Variants in ZSCAN25 observed in about 807,000 individuals in gnomAD.
ZSCAN25 encodes zinc finger and SCAN domain containing 25, also known as zinc finger and SCAN domain-containing protein 25.
Under a neutral mutation model 38.7 loss-of-function variants are expected in ZSCAN25, and 27 were observed. The observed-to-expected ratio is 0.70, with a 90% CI of 0.51 to 0.96. The LOEUF is 0.96. ZSCAN25 is among the 40% of genes least tolerant of loss of function. The pLI, the probability that ZSCAN25 is intolerant of heterozygous loss-of-function variation, is 0.00. For missense variants in ZSCAN25, 637 were observed against 705.9 expected (o/e 0.90, Z 1.11); for synonymous variants, 273 against 277.7 (o/e 0.98, Z 0.17).
At chr7:99,656,887 C>A in the ZSCAN25 span, among the ~76,000 whole-genome samples, 1 of 152,152 alleles carries the variant, frequency 6.6e-6, no homozygotes, top group Non-Finnish European at 1.5e-5. Flanking sequence ...TTATAGTATT[C>A]TCTGATGGTA....
the ZSCAN25 span, among the ~76,000 whole-genome samples, chr7:99,682,484 G>A: frequency 1.3e-5 from 2 of 152,152 alleles, no homozygotes; most frequent in African/African-American, 4.8e-5. Context: ...TCATTGGTCT[G>A]TGTCTGTTTT....
At chr7:99,617,164 GTC>G (rs1013762587) in intron 1 of ZSCAN25, 148 bp downstream of exon 1, 3 of 152,214 alleles carry the variant, frequency 2.0e-5, no homozygotes, top group African/African-American at 4.8e-5. Flanking sequence ...AGGGCGGCAA[GTC>G]TCTCAGGAGC....
chr7:99,691,408 C>T, the ZSCAN25 span, among the ~76,000 whole-genome samples: 2 of 152,112 alleles, frequency 1.3e-5, no homozygotes, highest in African/African-American at 4.8e-5. Flanking sequence ...CAAACCTGCA[C>T]ATTGTGCACA....
At chr7:99,650,007 C>A in the ZSCAN25 span, 4 of 1,564,530 alleles carry the variant, frequency 2.6e-6, no homozygotes, top group Non-Finnish European at 2.6e-6. Flanking sequence ...CATGCATATT[C>A]TTTTAAAAAA....
chr7:99,725,663 C>A, the ZSCAN25 span, among the ~76,000 whole-genome samples: 1 of 152,208 alleles, frequency 6.6e-6, no homozygotes, highest in East Asian at 1.9e-4. Flanking sequence ...CGCCACTGCT[C>A]CTAAAGTTCC....
chr7:99,627,017 CTTA>C (rs1396984303), intron 7 of ZSCAN25, among the ~76,000 whole-genome samples: 1 of 152,170 alleles, frequency 6.6e-6, no homozygotes, highest in Non-Finnish European at 1.5e-5. Flanking sequence ...ATTTTGAACT[CTTA>C]TTATACAAAT....
At chr7:99,711,829 A>G in the ZSCAN25 span, among the ~76,000 whole-genome samples, 4 of 152,052 alleles carry the variant, frequency 2.6e-5, no homozygotes, top group African/African-American at 9.7e-5. Context: ...CTCAAACCCC[A>G]CCATTGAACT....
At chr7:99,641,263 T>C in the ZSCAN25 span, among the ~76,000 whole-genome samples, 3 of 152,282 alleles carry the variant, frequency 2.0e-5, no homozygotes, top group East Asian at 1.9e-4. Flanking sequence ...AAACATGTCC[T>C]TCTTCATATG....
the ZSCAN25 span, chr7:99,715,709 A>G: frequency 6.2e-7 from 1 of 1,612,764 alleles, no homozygotes. Context: ...TCAATAAAGC[A>G]GTTATTTTTA....
chr7:99,682,353 A>C, the ZSCAN25 span, among the ~76,000 whole-genome samples: 1 of 152,312 alleles, frequency 6.6e-6, no homozygotes, highest in African/African-American at 2.4e-5. Flanking sequence ...TGCATGTTAA[A>C]ATCCAGCTTT....
the ZSCAN25 span, chr7:99,667,174 T>C: frequency 9.0e-7 from 1 of 1,114,754 alleles, no homozygotes; most frequent in Admixed American, 2.5e-5. Context: ...ATTGACTGTA[T>C]ATGATATTAT....
the ZSCAN25 span, among the ~76,000 whole-genome samples, chr7:99,644,971 G>A: frequency 6.6e-6 from 1 of 152,092 alleles, no homozygotes; most frequent in African/African-American, 2.4e-5. Context: ...TGAGGAGGAC[G>A]ATCAAGCCTG....
chr7:99,657,527 TGTG>T, the ZSCAN25 span, among the ~76,000 whole-genome samples: 1 of 152,176 alleles, frequency 6.6e-6, no homozygotes, highest in Non-Finnish European at 1.5e-5. Flanking sequence ...TTGGAATAGG[TGTG>T]GTGTGGTGCT....
chr7:99,663,844 T>G, the ZSCAN25 span: 123 of 1,398,710 alleles, frequency 8.8e-5, no homozygotes, highest in Non-Finnish European at 1.1e-4. Flanking sequence ...AAATGGCTTC[T>G]CTTGTTCTAA....
the ZSCAN25 span, among the ~76,000 whole-genome samples, chr7:99,657,135 T>C: frequency 6.6e-6 from 1 of 152,240 alleles, no homozygotes; most frequent in African/African-American, 2.4e-5. Context: ...CTTTTGAATG[T>C]GTTTGCTCCT....
chr7:99,662,006 ATTTTC>A, the ZSCAN25 span, among the ~76,000 whole-genome samples: 1 of 152,224 alleles, frequency 6.6e-6, no homozygotes, highest in Non-Finnish European at 1.5e-5. The surrounding 1 kb of genome is among the most constrained non-coding windows in gnomAD (Gnocchi z 4.3). Context: ...ATGATAGACT[ATTTTC>A]TTTATCACAG....
chr7:99,656,958 G>A, the ZSCAN25 span, among the ~76,000 whole-genome samples: 1 of 152,018 alleles, frequency 6.6e-6, no homozygotes, highest in Non-Finnish European at 1.5e-5. Context: ...GCATCTATTT[G>A]ATTCTTCTCT....
chr7:99,718,304 G>A, the ZSCAN25 span, among the ~76,000 whole-genome samples: 4 of 152,066 alleles, frequency 2.6e-5, no homozygotes, highest in South Asian at 4.1e-4. Context: ...AACTCACAAC[G>A]TATTTTGAAG....
the ZSCAN25 span, among the ~76,000 whole-genome samples, chr7:99,682,026 T>G: frequency 6.6e-6 from 1 of 152,180 alleles, no homozygotes; most frequent in Non-Finnish European, 1.5e-5. Context: ...TGGGGTGCAT[T>G]GTCATGATCT....
Sources: gnomAD v4.1 joint callset for allele counts (sites outside exome capture counted in the v4.1 genomes callset) on GRCh38, gnomAD v4.1.1 for gene constraint, Gnocchi (gnomAD v3.1) non-coding constraint, MANE v1.5 for transcripts, NCBI Gene and HGNC (gene_info 2026-07-23, HGNC 2026-07-21) for gene names.